Variants in BMPR1B observed in about 807,000 individuals in gnomAD.
BMPR1B encodes bone morphogenetic protein receptor type-1B.
Under a neutral mutation model 59.1 loss-of-function variants are expected in BMPR1B, and 12 were observed. The observed-to-expected ratio is 0.20, with a 90% CI of 0.13 to 0.33. The LOEUF (loss-of-function observed/expected upper bound fraction) is 0.33. Ranked by LOEUF, BMPR1B falls within the 10% of genes least tolerant of loss-of-function variation. BMPR1B has a pLI of 1.00. For synonymous variants in BMPR1B, 237 were observed against 207.3 expected, an observed-to-expected ratio of 1.14 and a Z score of -1.23; for missense variants, 550 against 610.9, an observed-to-expected ratio of 0.90 and a Z score of 1.05.
chr4:94,951,009 T>C (rs1287723118), intron 2 of BMPR1B, among the ~76,000 whole-genome samples: 2 of 152,328 alleles, frequency 1.3e-5, no homozygotes, highest in Non-Finnish European at 2.9e-5. Context: ...CCCTTGTAAG[T>C]TGTATTCCTA....
intron 2 of BMPR1B, among the ~76,000 whole-genome samples, chr4:94,897,007 G>A (rs941544314): frequency 3.3e-5 from 5 of 151,754 alleles, no homozygotes; most frequent in African/African-American, 1.2e-4. Flanking sequence ...AATCTGAAAG[G>A]ATCCTAGGGA....
Position 95,148,801 on chromosome 4 carries a change from A to G in BMPR1B, c.1130A>G (p.Tyr377Cys), listed in dbSNP as rs559805218. 2.5e-6 allele frequency: 4 copies of G among 1,614,010 alleles called. No homozygotes were observed. Among genetic ancestry groups the G allele is most frequent in the East Asian group, 2.2e-5 (1 of 44,868 alleles). The change falls in exon 11 of 13, where the codon TAT becomes TGT. Residue 377 changes from tyrosine (Y) to cysteine (C), a missense_variant. Coordinates refer to ENST00000515059, the MANE Select transcript of BMPR1B (RefSeq NM_001203.3). ...AACACTCGAGTTGGCACCAAACGCT[A>G]TATGCCTCCAGAAGTGTTGGACGAG... ...PPNTRVGTKR[Y>C]MPPEVLDESL...
At chr4:95,112,996 C>T (rs551169421) in intron 4 of BMPR1B, among the ~76,000 whole-genome samples, 1 of 152,034 alleles carries the variant, frequency 6.6e-6, no homozygotes, top group South Asian at 2.1e-4. Flanking sequence ...ACCATATTTT[C>T]CGGTAATTTT....
chr4:94,954,684 T>C (rs1730076343), intron 2 of BMPR1B, among the ~76,000 whole-genome samples: 1 of 152,238 alleles, frequency 6.6e-6, no homozygotes, highest in South Asian at 2.1e-4. Flanking sequence ...TGTATGATCA[T>C]ATTTATATTT....
intron 2 of BMPR1B, among the ~76,000 whole-genome samples, chr4:94,946,413 T>G (rs188118714): frequency 5.3e-5 from 8 of 152,334 alleles, no homozygotes; most frequent in Non-Finnish European, 2.9e-5. Flanking sequence ...AGTTTTTATA[T>G]ATCACTTAAC....
rs149457638 is a variant in BMPR1B, at chr4:94,897,599, A to G, written c.-113+21699A>G. On this transcript the variant is annotated intron_variant, in intron 2 of 12. Transcript: ENST00000515059. ...TGAATTTTAAATGAGAAAGGCAATA[A>G]TGTACATGTTCTTCTGTATGTTGCT... 6.4e-3 allele frequency among the ~76,000 whole-genome samples: 974 copies of G among 152,190 alleles called. 7 individuals carry two copies. Among genetic ancestry groups the G allele is most frequent in the Non-Finnish European group, 7.5e-3 (513 of 67,982 alleles).
At chr4:94,775,288 A>G (rs1639786058) in intron 1 of BMPR1B, among the ~76,000 whole-genome samples, 2 of 152,224 alleles carry the variant, frequency 1.3e-5, no homozygotes, top group African/African-American at 2.4e-5. Flanking sequence ...CCAGGTTACT[A>G]TATGAGATTC....
chr4:95,064,133 T>A (rs994790974), intron 3 of BMPR1B, among the ~76,000 whole-genome samples: 6 of 152,152 alleles, frequency 3.9e-5, no homozygotes, highest in Non-Finnish European at 7.4e-5. Flanking sequence ...ATTAAGAAAC[T>A]GTCATAGATA....
At chr4:95,095,111 A>G (rs1310198520) in intron 3 of BMPR1B, among the ~76,000 whole-genome samples, 3 of 152,058 alleles carry the variant, frequency 2.0e-5, no homozygotes, top group Non-Finnish European at 4.4e-5. Flanking sequence ...GTACTTTAGT[A>G]TAAGGAAAAA....
intron 2 of BMPR1B, among the ~76,000 whole-genome samples, chr4:94,914,199 ATGT>A (rs1286751918): frequency 1.3e-5 from 2 of 152,138 alleles, no homozygotes; most frequent in Non-Finnish European, 2.9e-5. Context: ...TTTTGAAAAA[ATGT>A]TGTGCAGCTA....
chr4:94,761,056 C>G (rs1025707191), intron 1 of BMPR1B, among the ~76,000 whole-genome samples: 2 of 152,156 alleles, frequency 1.3e-5, no homozygotes, highest in Non-Finnish European at 2.9e-5. Flanking sequence ...GGAATTGAGA[C>G]TTTACTTTTT....
chr4:95,007,820 A>G (rs1578917533), intron 3 of BMPR1B, among the ~76,000 whole-genome samples: 2 of 152,362 alleles, frequency 1.3e-5, no homozygotes, highest in Admixed American at 6.5e-5. Context: ...ATGAAAATAT[A>G]AAGAAATAAA....
chr4:94,932,445 G>A (rs373101802), intron 2 of BMPR1B, among the ~76,000 whole-genome samples: 1 of 152,078 alleles, frequency 6.6e-6, no homozygotes, highest in Admixed American at 6.6e-5. Context: ...CTTTAAAAAA[G>A]TTGGCAATGT....
chr4:95,022,680 G>A (rs1724079670), intron 3 of BMPR1B, among the ~76,000 whole-genome samples: 2 of 151,942 alleles, frequency 1.3e-5, no homozygotes, highest in African/African-American at 4.8e-5. Context: ...AGAAGTGTGT[G>A]TACCCATAGA....
intron 1 of BMPR1B, among the ~76,000 whole-genome samples, chr4:94,812,173 C>T (rs1173448038): frequency 1.3e-5 from 2 of 149,390 alleles, no homozygotes; most frequent in Non-Finnish European, 2.9e-5. Flanking sequence ...CACTTAGTAC[C>T]TAGTCCTCCA....
intron 2 of BMPR1B, among the ~76,000 whole-genome samples, chr4:94,968,368 T>A (rs1034564530): frequency 1.2e-4 from 19 of 152,204 alleles, no homozygotes; most frequent in African/African-American, 3.1e-4. Flanking sequence ...TTGTTTTTTT[T>A]AATCATGGAG....
At chr4:94,902,026 G>A (rs1473440723) in intron 2 of BMPR1B, among the ~76,000 whole-genome samples, 1 of 148,986 alleles carries the variant, frequency 6.7e-6, no homozygotes, top group African/African-American at 2.5e-5. Flanking sequence ...GACTGGTTAA[G>A]AGGGCTCTGC....
intron 2 of BMPR1B, among the ~76,000 whole-genome samples, chr4:94,884,754 C>T (rs1370083980): frequency 1.3e-5 from 2 of 152,138 alleles, no homozygotes; most frequent in Non-Finnish European, 2.9e-5. Flanking sequence ...CCCAAACTTC[C>T]CTTCTCCATG....
At chr4:94,981,825 T>A (rs909081229) in intron 2 of BMPR1B, among the ~76,000 whole-genome samples, 1 of 152,170 alleles carries the variant, frequency 6.6e-6, no homozygotes, top group Non-Finnish European at 1.5e-5. Context: ...TTCCAATAGT[T>A]TCAGTAAATC....
Sources: gnomAD v4.1 joint callset for allele counts (sites outside exome capture counted in the v4.1 genomes callset) on GRCh38, gnomAD v4.1.1 for gene constraint, MANE v1.5 for transcripts, NCBI Gene and HGNC (gene_info 2026-07-23, HGNC 2026-07-21) for gene names.